The following FSTL5 variants were observed in gnomAD, a reference collection of about 807,000 sequenced individuals.
FSTL5 encodes follistatin-related protein 5.
A neutral mutation model predicts 89.1 loss-of-function variants in FSTL5; 62 were observed. The ratio of observed to expected loss-of-function variants is 0.70; its 90% CI spans 0.57 to 0.86. The LOEUF (loss-of-function observed/expected upper bound fraction) is 0.86, where lower values mean the gene tolerates loss of function less well. FSTL5 is among the 40% of genes least tolerant of loss of function. The pLI is 0.00. For missense variants in FSTL5, 1,057 were observed against 1,001.6 expected (o/e 1.06, Z -0.75); for synonymous variants, 383 against 346.2 (o/e 1.11, Z -1.18).
At chr4:161,785,268 A>T (rs1030746) in intron 4 of FSTL5, among the ~76,000 whole-genome samples, 2 of 151,924 alleles carry the variant, frequency 1.3e-5, no homozygotes, top group Non-Finnish European at 1.5e-5. Flanking sequence ...CTTTACTGTT[A>T]TTTTTTCTGC....
intron 6 of FSTL5, among the ~76,000 whole-genome samples, chr4:161,669,805 C>T (rs933919748): frequency 2.6e-5 from 4 of 151,818 alleles, no homozygotes; most frequent in Non-Finnish European, 5.9e-5. Context: ...AAGAGGAAAA[C>T]CAAGACCATT....
At chr4:161,611,998 T>C (rs918868135) in intron 7 of FSTL5, among the ~76,000 whole-genome samples, 1 of 152,162 alleles carries the variant, frequency 6.6e-6, no homozygotes, top group African/African-American at 2.4e-5. Flanking sequence ...AATCCAGTGG[T>C]TGTTACTGGA....
chr4:161,642,862 C>T (rs757436311), intron 7 of FSTL5, among the ~76,000 whole-genome samples: 1 of 151,998 alleles, frequency 6.6e-6, no homozygotes, highest in Non-Finnish European at 1.5e-5. Context: ...GAAAGAATTA[C>T]GGAGATGAAT....
At chr4:161,967,951 T>C (rs977610874) in intron 3 of FSTL5, among the ~76,000 whole-genome samples, 57 of 152,066 alleles carry the variant, frequency 3.7e-4, no homozygotes, top group African/African-American at 1.4e-3. Context: ...CCCAGGAGTT[T>C]GCCTTTAACA....
chr4:161,608,632 A>T (rs1359634890), intron 7 of FSTL5, among the ~76,000 whole-genome samples: 1 of 152,142 alleles, frequency 6.6e-6, no homozygotes, highest in Non-Finnish European at 1.5e-5. Flanking sequence ...ATCTTTAAAA[A>T]ATAATATAAT....
At chr4:162,106,516 T>G (rs778768881) in intron 2 of FSTL5, among the ~76,000 whole-genome samples, 1 of 152,140 alleles carries the variant, frequency 6.6e-6, no homozygotes. Flanking sequence ...GCTGAACTAT[T>G]AATACATACA....
Position 162,074,860 on chromosome 4 carries a change from T to C in FSTL5, c.126+36411A>G, listed in dbSNP as rs1289242549. On this transcript the variant is annotated intron_variant, in intron 2 of 15. Coordinates refer to ENST00000306100, the MANE Select transcript of FSTL5 (RefSeq NM_020116.5). ...CGAACACTTAGCCTACTAAACATCA[T>C]ACCTTAGCCTAGCCCACCTTAGATG... Among the ~76,000 whole-genome samples the C allele has an allele frequency of 2.6e-5, 4 of 151,838 alleles. No homozygotes were observed. In the East Asian group the frequency reaches 7.8e-4, roughly 30 times the overall value.
rs551651886 is a variant in FSTL5, at chr4:161,763,459, A to G, written c.607-3928T>C. ...TTGGAAGTACAAGATTTTTATGCTG[A>G]CTTTCATGGAAGATATACAAGACAT... On this transcript the variant is annotated intron_variant, in intron 5 of 15. Transcript: ENST00000306100. Among the ~76,000 whole-genome samples the G allele has an allele frequency of 7.2e-5, 11 of 152,256 alleles. No homozygotes were observed. In the South Asian group the frequency reaches 2.3e-3, roughly 32 times the overall value.
chr4:161,630,431 G>A (rs979787126), intron 7 of FSTL5, among the ~76,000 whole-genome samples: 1 of 152,144 alleles, frequency 6.6e-6, no homozygotes, highest in African/African-American at 2.4e-5. Flanking sequence ...GAAAATATGT[G>A]CTTTTATGAG....
At chr4:161,931,684 T>G (rs1258288087) in intron 3 of FSTL5, among the ~76,000 whole-genome samples, 2 of 151,998 alleles carry the variant, frequency 1.3e-5, no homozygotes, top group African/African-American at 4.8e-5. Flanking sequence ...GTTTTTGGAC[T>G]GCAAAGAAAG....
chr4:161,603,714 G>A (rs999210569), intron 7 of FSTL5, among the ~76,000 whole-genome samples: 1 of 151,914 alleles, frequency 6.6e-6, no homozygotes, highest in Non-Finnish European at 1.5e-5. Context: ...ACATGACATG[G>A]ATGAGAGCAG....
At chr4:161,609,025 T>C (rs1023715475) in intron 7 of FSTL5, among the ~76,000 whole-genome samples, 32 of 152,028 alleles carry the variant, frequency 2.1e-4, no homozygotes, top group African/African-American at 7.5e-4. Context: ...CCTATAATTT[T>C]ATTCTATTTT....
At chr4:161,516,739 A>G in intron 10 of FSTL5, among the ~76,000 whole-genome samples, 1 of 149,460 alleles carries the variant, frequency 6.7e-6, no homozygotes, top group Non-Finnish European at 1.5e-5. Context: ...ACACACACAC[A>G]CACACACACA....
Position 161,459,423 on chromosome 4 carries a change from T to C in FSTL5, c.1609-104A>G, listed in dbSNP as rs958191480. 2.5e-5 allele frequency: 16 copies of C among 645,136 alleles called. No individual in the cohort carries two copies. In the African/African-American group the frequency reaches 2.9e-4, roughly 12 times the overall value. 40.0% of individuals were successfully genotyped at this position (645,136 alleles called of 1,614,324 possible). A position where few individuals can be genotyped will look rare whatever the true frequency, so the allele number is the denominator to read the frequency against. On this transcript the variant is annotated intron_variant, in intron 13 of 15. Transcript: ENST00000306100. ...TAATTTAGATGTCAGATTAAAAATT[T>C]AATTTGCCAAATATATAATTTCCTT...
chr4:161,773,124 G>C (rs989202383), intron 5 of FSTL5, among the ~76,000 whole-genome samples: 1 of 152,092 alleles, frequency 6.6e-6, no homozygotes, highest in African/African-American at 2.4e-5. Flanking sequence ...GATGGTGCTG[G>C]GATAATTGGC....
At chr4:162,096,672 T>C (rs1730764232) in intron 2 of FSTL5, among the ~76,000 whole-genome samples, 1 of 151,928 alleles carries the variant, frequency 6.6e-6, no homozygotes, top group African/African-American at 2.4e-5. Flanking sequence ...AAAGAAAGAA[T>C]TCTTGTGGAC....
chr4:161,773,409 C>T (rs1230334288), intron 5 of FSTL5, among the ~76,000 whole-genome samples: 1 of 152,134 alleles, frequency 6.6e-6, no homozygotes, highest in East Asian at 1.9e-4. Context: ...AAACAGACAA[C>T]CCACAGAGTG....
At chr4:161,900,657 AAGAAAG>A (rs10565346) in intron 4 of FSTL5, among the ~76,000 whole-genome samples, 38,292 of 94,176 alleles carry the variant, frequency 0.41, 7,746 homozygotes, top group Non-Finnish European at 0.45. Context: ...AAAAAAAAAA[AAGAAAG>A]AAAGAAAGAA....
In FSTL5 at chr4:161,683,035, G is replaced by A. The variant is rs982409572; in HGVS notation, c.728-26541C>T. ...GCTGGGATTACAGGCGTGAGCCACC[G>A]TGCCCGGCCAACTTTTCTTTTTTAA... On this transcript the variant is annotated intron_variant, in intron 6 of 15. Transcript: ENST00000306100. 5.3e-5 allele frequency among the ~76,000 whole-genome samples: 8 copies of A among 152,158 alleles called. No homozygotes were observed. In the South Asian group the frequency reaches 6.2e-4, roughly 12 times the overall value.
Sources: allele counts gnomAD v4.1 joint callset (sites outside exome capture counted in the v4.1 genomes callset), GRCh38; gene constraint gnomAD v4.1.1; transcripts MANE v1.5; gene names NCBI Gene and HGNC (gene_info 2026-07-23, HGNC 2026-07-21).